Variants in CNRIP1 observed in about 807,000 individuals in gnomAD.
CNRIP1 encodes CB1 cannabinoid receptor-interacting protein 1.
CNRIP1 carries 10 observed loss-of-function variants against 15.2 expected under a neutral mutation model. That is an observed-to-expected ratio of 0.66 (90% CI 0.41 to 1.12). CNRIP1 has a LOEUF of 1.12. CNRIP1 is among the 50% of genes most tolerant of loss of function. The pLI, the probability that CNRIP1 is intolerant of heterozygous loss-of-function variation, is 0.00. For missense variants in CNRIP1, 211 were observed against 214.7 expected (o/e 0.98, Z 0.11); for synonymous variants, 91 against 83.2 (o/e 1.09, Z -0.51).
chr2:68,302,564 A>G (rs925766281), intron 2 of CNRIP1, among the ~76,000 whole-genome samples: 3 of 152,188 alleles, frequency 2.0e-5, no homozygotes, highest in Non-Finnish European at 4.4e-5. Context: ...TTATCTGAAG[A>G]TCATTGCCAT....
chr2:68,312,103 C>A (rs1234175134), intron 2 of CNRIP1, among the ~76,000 whole-genome samples: 2 of 151,998 alleles, frequency 1.3e-5, no homozygotes, highest in East Asian at 1.9e-4. Context: ...GAAGAATGAA[C>A]ACTTTCCGAA....
At chr2:68,302,735 T>C (rs1671657655) in intron 2 of CNRIP1, among the ~76,000 whole-genome samples, 1 of 152,002 alleles carries the variant, frequency 6.6e-6, no homozygotes, top group Non-Finnish European at 1.5e-5. Context: ...ATACATGTTA[T>C]CAATGATTTT....
downstream of CNRIP1, among the ~76,000 whole-genome samples, chr2:68,289,637 C>T (rs1034011852): frequency 1.1e-4 from 17 of 152,160 alleles, no homozygotes; most frequent in Non-Finnish European, 8.8e-5. Context: ...CACACCACCA[C>T]GCCCAGCTAA....
At chr2:68,292,672 C>T (rs540396261), downstream of CNRIP1, among the ~76,000 whole-genome samples, 259 of 152,278 alleles carry the variant, frequency 1.7e-3, no homozygotes, top group African/African-American at 6.0e-3. Flanking sequence ...AGGCCTCAAC[C>T]ATGATGTACA....
rs1208923092 is a variant in CNRIP1 at position 68,294,973 on chromosome 2, T to C, written c.331-947A>G. 2.0e-5 allele frequency among the ~76,000 whole-genome samples: 3 copies of C among 152,214 alleles called. No homozygotes were observed. The East Asian group carries it at 5.8e-4, about 29-fold the overall frequency. On this transcript the variant is annotated intron_variant, in intron 2 of 2. Transcript: ENST00000263655. ...TTGCAGCTGAGAAGAGTACCTGGAATACCCTGGAGGCCACTGGGCAGATGC... is the reference window on the plus strand; with the variant it reads ...TTGCAGCTGAGAAGAGTACCTGGAACACCCTGGAGGCCACTGGGCAGATGC...
At chr2:68,302,252 G>A (rs1190709584) in intron 2 of CNRIP1, among the ~76,000 whole-genome samples, 1 of 152,088 alleles carries the variant, frequency 6.6e-6, no homozygotes, top group Non-Finnish European at 1.5e-5. Context: ...TACTAGACCA[G>A]ACAGCTGTCA....
chr2:68,286,958 G>T (rs1314672251), intron 2 of CNRIP1, among the ~76,000 whole-genome samples: 1 of 152,178 alleles, frequency 6.6e-6, no homozygotes, highest in African/African-American at 2.4e-5. Context: ...CCATACAAAA[G>T]ATAGTCAATG....
At chr2:68,318,938 T>G (rs1558671115) in intron 1 of CNRIP1, among the ~76,000 whole-genome samples, 1 of 152,228 alleles carries the variant, frequency 6.6e-6, no homozygotes, top group Non-Finnish European at 1.5e-5. Context: ...AGGAGAAATT[T>G]ATAAGAAACA....
chr2:68,299,901 A>T (rs925568187), intron 2 of CNRIP1, among the ~76,000 whole-genome samples: 2 of 152,224 alleles, frequency 1.3e-5, no homozygotes, highest in Admixed American at 6.5e-5. Flanking sequence ...TACTGCAGAC[A>T]TGAAATTAAT....
chr2:68,299,783 A>G (rs1671538085), intron 2 of CNRIP1, among the ~76,000 whole-genome samples: 1 of 152,208 alleles, frequency 6.6e-6, no homozygotes, highest in Non-Finnish European at 1.5e-5. Context: ...GTCCTCAATA[A>G]CAAATGAGGA....
intron 2 of CNRIP1, among the ~76,000 whole-genome samples, chr2:68,303,267 A>G (rs72904235): frequency 1.0e-3 from 153 of 152,366 alleles, no homozygotes; most frequent in African/African-American, 3.4e-3. Flanking sequence ...AGAACTGCAA[A>G]TACTAAAATT....
chr2:68,303,568 A>G (rs1671699706), intron 2 of CNRIP1, among the ~76,000 whole-genome samples: 1 of 152,208 alleles, frequency 6.6e-6, no homozygotes, highest in African/African-American at 2.4e-5. Context: ...TAAACAGAAC[A>G]CTAGGAAAGA....
At chr2:68,292,801 G>A (rs552461027), downstream of CNRIP1, among the ~76,000 whole-genome samples, 7 of 152,070 alleles carry the variant, frequency 4.6e-5, no homozygotes, top group Non-Finnish European at 8.8e-5. Flanking sequence ...TTGATTGCCC[G>A]CCAAGCACCT....
At chr2:68,297,400 CT>C (rs1396099029) in intron 2 of CNRIP1, among the ~76,000 whole-genome samples, 1 of 151,798 alleles carries the variant, frequency 6.6e-6, no homozygotes, top group Non-Finnish European at 1.5e-5. Context: ...AACCCTGTCA[CT>C]ACAAAAAATT....
chr2:68,300,711 GTTT>G (rs554254193), intron 2 of CNRIP1, among the ~76,000 whole-genome samples: 7 of 152,106 alleles, frequency 4.6e-5, no homozygotes, highest in African/African-American at 1.2e-4. Flanking sequence ...CTAAAATCTA[GTTT>G]TTTTGAAAAT....
downstream of CNRIP1, among the ~76,000 whole-genome samples, chr2:68,290,001 G>A (rs1671123039): frequency 6.7e-6 from 1 of 149,628 alleles, no homozygotes; most frequent in Non-Finnish European, 1.5e-5. Flanking sequence ...TTTAAATTGA[G>A]GTATTTTTGC....
chr2:68,289,850 T>C (rs1255775147), downstream of CNRIP1, among the ~76,000 whole-genome samples: 1 of 152,154 alleles, frequency 6.6e-6, no homozygotes, highest in Non-Finnish European at 1.5e-5. Context: ...GAAGGTTTAA[T>C]GTACATTAAC....
chr2:68,308,216 A>C (rs1671932834), intron 2 of CNRIP1, among the ~76,000 whole-genome samples: 1 of 151,956 alleles, frequency 6.6e-6, no homozygotes, highest in African/African-American at 2.4e-5. Context: ...AAAACAAAAC[A>C]AAACAAAACA....
intron 2 of CNRIP1, among the ~76,000 whole-genome samples, chr2:68,311,260 T>A (rs1254327691): frequency 6.6e-6 from 1 of 152,016 alleles, no homozygotes; most frequent in African/African-American, 2.4e-5. Context: ...CAGAAAGAAC[T>A]CTATGAAGGG....
Sources: allele counts gnomAD v4.1 joint callset (sites outside exome capture counted in the v4.1 genomes callset), GRCh38; gene constraint gnomAD v4.1.1; transcripts MANE v1.5; gene names NCBI Gene and HGNC (gene_info 2026-07-23, HGNC 2026-07-21).